IYD: variants seen among roughly 807,000 people sequenced by gnomAD.
IYD encodes iodotyrosine deiodinase 1.
In IYD, 25 loss-of-function variants were observed where a neutral mutation model predicts 28.4. The observed-to-expected ratio is 0.88, with a 90% CI of 0.64 to 1.23. The LOEUF is 1.23. Ranked by LOEUF, IYD falls within the 50% of genes most tolerant of loss-of-function variation. IYD has a pLI of 0.00. For synonymous variants in IYD, 140 were observed against 130.8 expected (o/e 1.07, Z -0.48); for missense variants, 352 against 357.9 (o/e 0.98, Z 0.13).
rs908048921 is a variant in IYD, at chr6:150,403,114, T to C, written c.*4877T>C. On this transcript the variant is annotated 3_prime_UTR_variant, in exon 5 of 5. Transcript: ENST00000344419. ...GGCTAGTTTTTCTAAATATTGGAGTTCCCAAAGAGTATTCAAACTGATGTG... is the reference window on the plus strand; with the variant it reads ...GGCTAGTTTTTCTAAATATTGGAGTCCCCAAAGAGTATTCAAACTGATGTG... 5 of 152,198 alleles carry C rather than the reference T, an allele frequency of 3.3e-5. No homozygotes were observed. Among genetic ancestry groups the C allele is most frequent in the African/African-American group, 1.2e-4 (5 of 41,448 alleles). 9.4% of individuals were successfully genotyped at this position (152,198 alleles called of 1,614,324 possible). A position where few individuals can be genotyped will look rare whatever the true frequency, so the allele number is the denominator to read the frequency against.
intron 1 of IYD, chr6:150,370,676 G>A (rs1273926893): frequency 1.0e-6 from 1 of 985,304 alleles, no homozygotes; most frequent in African/African-American, 1.7e-5. Flanking sequence ...GTAATGGTTT[G>A]TGCTGGTAAG....
Position 150,394,017 on chromosome 6 carries a change from T to C in IYD, c.531-82T>C, listed in dbSNP as rs1297406483. 4 of 1,355,796 alleles carry C rather than the reference T, an allele frequency of 3.0e-6. No homozygotes were observed. In the African/African-American group the frequency reaches 5.8e-5, roughly 20 times the overall value. The allele number at this position is 1,355,796 out of a possible 1,614,324, so 84.0% of individuals were successfully genotyped here. On this transcript the variant is annotated intron_variant, in intron 3 of 4. Coordinates refer to ENST00000344419, the MANE Select transcript of IYD (RefSeq NM_203395.3). ...AAAAGATGAGTAAATATGTTTTTATTTTTATCATAAAGAAGCTAAGGTAGT... is the reference window on the plus strand; with the variant it reads ...AAAAGATGAGTAAATATGTTTTTATCTTTATCATAAAGAAGCTAAGGTAGT...
intron 1 of IYD, among the ~76,000 whole-genome samples, chr6:150,387,186 G>A (rs1777896007): frequency 6.6e-6 from 1 of 151,972 alleles, no homozygotes; most frequent in African/African-American, 2.4e-5. Flanking sequence ...TACTTTTATT[G>A]TTGTCAGGAT....
intron 1 of IYD, chr6:150,369,987 A>G (rs1467836403): frequency 1.0e-5 from 7 of 702,090 alleles, no homozygotes; most frequent in Non-Finnish European, 1.8e-5. Flanking sequence ...GGCCACCTTG[A>G]GAAGAAGAGG....
chr6:150,377,851 C>T (rs1777504139), intron 1 of IYD, among the ~76,000 whole-genome samples: 1 of 152,070 alleles, frequency 6.6e-6, no homozygotes, highest in African/African-American at 2.4e-5. Context: ...TTATTGACAC[C>T]TTGATAAAGT....
chr6:150,376,965 G>A (rs921713651), intron 1 of IYD, among the ~76,000 whole-genome samples: 17 of 152,078 alleles, frequency 1.1e-4, no homozygotes, highest in African/African-American at 3.4e-4. Context: ...GTCAGATAGC[G>A]AAATTCCAGA....
At chr6:150,379,613 C>T (rs1777574338) in intron 1 of IYD, among the ~76,000 whole-genome samples, 2 of 152,154 alleles carry the variant, frequency 1.3e-5, no homozygotes, top group South Asian at 4.1e-4. Flanking sequence ...GGTTATTGTT[C>T]CAAAGAGGAA....
intron 4 of IYD, chr6:150,396,561 T>C: frequency 4.5e-6 from 3 of 661,638 alleles, no homozygotes; most frequent in Admixed American, 5.0e-5. Context: ...TAAATTAAGG[T>C]GTAAATATTT....
At chr6:150,389,690 G>C in intron 2 of IYD, 147 bp downstream of exon 2, 1 of 733,438 alleles carries the variant, frequency 1.4e-6, no homozygotes. Flanking sequence ...TGCTGAGTGA[G>C]TGCCAGAAAC....
Position 150,403,437 on chromosome 6 carries a change from C to CA in IYD, c.*5206dup, listed in dbSNP as rs1562327986. The CA allele has an allele frequency of 6.6e-6, 1 of 152,186 alleles. No individual in the cohort carries two copies. Among genetic ancestry groups the CA allele is most frequent in the South Asian group, 2.1e-4 (1 of 4,826 alleles). 9.4% of individuals were successfully genotyped at this position (152,186 alleles called of 1,614,324 possible). A position where few individuals can be genotyped will look rare whatever the true frequency, so the allele number is the denominator to read the frequency against. On this transcript the variant is annotated 3_prime_UTR_variant, in exon 5 of 5. Coordinates refer to ENST00000344419, the MANE Select transcript of IYD (RefSeq NM_203395.3). ...CAGCCCACAAAATAGGCTGGACACT[C>CA]AAAAAACGTTGCGTTTATCTACCTT...
intron 2 of IYD, among the ~76,000 whole-genome samples, chr6:150,391,920 G>A (rs1424847320): frequency 1.3e-5 from 2 of 151,850 alleles, no homozygotes; most frequent in Admixed American, 6.6e-5. Flanking sequence ...TGTTGGCCAG[G>A]CTGGTTTTGA....
In IYD at chr6:150,402,639, T is replaced by C. The variant is rs941852864; in HGVS notation, c.*4402T>C. On this transcript the variant is annotated 3_prime_UTR_variant, in exon 5 of 5. Coordinates refer to ENST00000344419, the MANE Select transcript of IYD (RefSeq NM_203395.3). ...GGTTGATATTTGTCTAATACAGCTT[T>C]AAATAGAGTATCACTTTGGGCCAAA... is the stretch of plus-strand genomic sequence containing the variant. 2.6e-5 allele frequency: 4 copies of C among 152,240 alleles called. No homozygotes were observed. The highest frequency in any genetic ancestry group is 9.6e-5 in the African/African-American group (4 of 41,474). The allele number at this position is 152,240 out of a possible 1,614,324, so 9.4% of individuals were successfully genotyped here.
At chr6:150,378,344 A>C in intron 1 of IYD, among the ~76,000 whole-genome samples, 1 of 149,804 alleles carries the variant, frequency 6.7e-6, no homozygotes, top group Non-Finnish European at 1.5e-5. Flanking sequence ...CCCACCCCAC[A>C]ACAGTCCCCA....
intron 2 of IYD, among the ~76,000 whole-genome samples, chr6:150,391,033 T>G (rs1269414762): frequency 3.3e-5 from 5 of 151,948 alleles, no homozygotes; most frequent in Non-Finnish European, 7.4e-5. Context: ...GGTCAAGAGA[T>G]TGAAACCATC....
At chr6:150,383,373 T>C (rs1020936251) in intron 1 of IYD, among the ~76,000 whole-genome samples, 1 of 152,172 alleles carries the variant, frequency 6.6e-6, no homozygotes, top group Non-Finnish European at 1.5e-5. Context: ...TTCTTGGTAA[T>C]TGGAAAATAC....
intron 4 of IYD, among the ~76,000 whole-genome samples, chr6:150,394,975 GCAC>G (rs985328422): frequency 6.6e-6 from 1 of 152,132 alleles, no homozygotes; most frequent in African/African-American, 2.4e-5. Flanking sequence ...CTATAGGCAG[GCAC>G]CACCATGCTA....
At chr6:150,388,348 A>G (rs1248240714) in intron 1 of IYD, among the ~76,000 whole-genome samples, 2 of 152,216 alleles carry the variant, frequency 1.3e-5, no homozygotes, top group Non-Finnish European at 2.9e-5. Context: ...TCAAATGTGT[A>G]GGGATTGGCA....
intron 4 of IYD, chr6:150,395,995 C>T (rs910814065): frequency 9.0e-6 from 3 of 332,492 alleles, no homozygotes; most frequent in South Asian, 7.0e-5. Flanking sequence ...AGGAACTTGC[C>T]GTGGTGGTTG....
chr6:150,394,916 C>T (rs1307430713), intron 4 of IYD, among the ~76,000 whole-genome samples: 1 of 152,178 alleles, frequency 6.6e-6, no homozygotes, highest in Non-Finnish European at 1.5e-5. Context: ...GCAGCCTTGA[C>T]CCCCGGGCTT....
Sources: allele counts gnomAD v4.1 joint callset (sites outside exome capture counted in the v4.1 genomes callset), GRCh38; gene constraint gnomAD v4.1.1; transcripts MANE v1.5; gene names NCBI Gene and HGNC (gene_info 2026-07-23, HGNC 2026-07-21).